The following TENM1 variants were observed in gnomAD, a reference collection of about 807,000 sequenced individuals.
TENM1 encodes teneurin transmembrane protein 1, also known as teneurin-1.
A neutral mutation model predicts 174.8 loss-of-function variants in TENM1; 35 were observed. The observed-to-expected ratio is 0.20, with a 90% CI of 0.15 to 0.27. TENM1 has a LOEUF of 0.27. TENM1 is among the 10% of genes least tolerant of loss of function. TENM1 has a pLI of 1.00. For synonymous variants in TENM1, 781 were observed against 798.7 expected (o/e 0.98, Z 0.37); for missense variants, 1,633 against 2,130.1 (o/e 0.77, Z 4.59).
chrX:124,531,432 T>G (rs141574040), intron 15 of TENM1, among the ~76,000 whole-genome samples: 1,440 of 111,725 alleles, frequency 0.013, 15 homozygotes, highest in African/African-American at 0.036. Flanking sequence ...CACTACTAAA[T>G]TCTGTTGCAA....
the TENM1 span, among the ~76,000 whole-genome samples, chrX:125,190,569 C>T: frequency 9.0e-6 from 1 of 111,439 alleles, no homozygotes; most frequent in Non-Finnish European, 1.9e-5. Context: ...ATTATTTTCC[C>T]TTCTGTAGTC....
exon 26 of TENM1, chrX:124,406,483 G>T: frequency 1.7e-6 from 2 of 1,191,184 alleles, no homozygotes; most frequent in Non-Finnish European, 2.3e-6. Context: ...GTCCCTCGGG[G>T]TCATACCTGA....
At chrX:124,414,948 A>G (rs1422271987) in intron 25 of TENM1, among the ~76,000 whole-genome samples, 3 of 111,750 alleles carry the variant, frequency 2.7e-5, no homozygotes, top group African/African-American at 9.8e-5. Context: ...CCCCTTGTCC[A>G]CATAAAGAAG....
the TENM1 span, among the ~76,000 whole-genome samples, chrX:125,200,654 T>TGAGAGAGAGAGAGAGAGAGAGAGAGA: frequency 1.6e-3 from 147 of 92,394 alleles, no homozygotes; most frequent in African/African-American, 6.1e-3. Context: ...TGTGTGTGTG[T>TGAGAGAGAGAGAGAGAGAGAGAGAGA]GAGAGAGAGA....
chrX:124,523,580 G>A (rs746512976), exon 17 of TENM1: 5 of 1,211,530 alleles, frequency 4.1e-6, no homozygotes, highest in Non-Finnish European at 4.5e-6. Flanking sequence ...GGGATCGGTC[G>A]AAGATTAAGA....
chrX:124,584,511 G>C (rs1213834699), intron 11 of TENM1, among the ~76,000 whole-genome samples: 2 of 110,944 alleles, frequency 1.8e-5, no homozygotes. Flanking sequence ...CACCAGGCCT[G>C]CCCTAAAAGA....
At chrX:124,431,802 T>A (rs755866327) in intron 23 of TENM1, among the ~76,000 whole-genome samples, 15 of 112,083 alleles carry the variant, frequency 1.3e-4, no homozygotes, top group Non-Finnish European at 2.4e-4. Context: ...TTATCTTAGA[T>A]ACACACTCTT....
At chrX:124,938,318 G>A (rs548089616) in intron 1 of TENM1, among the ~76,000 whole-genome samples, 1 of 112,118 alleles carries the variant, frequency 8.9e-6, no homozygotes, top group African/African-American at 3.2e-5. Context: ...ACTGTTTTCC[G>A]TGAGAAAAAG....
chrX:124,973,936 C>G, the TENM1 span, among the ~76,000 whole-genome samples: 1 of 111,620 alleles, frequency 9.0e-6, no homozygotes, highest in Non-Finnish European at 1.9e-5. Context: ...GGGAGGGGAA[C>G]ATCACACACT....
intron 18 of TENM1, among the ~76,000 whole-genome samples, chrX:124,510,649 G>A (rs1320498224): frequency 9.0e-6 from 1 of 111,429 alleles, no homozygotes; most frequent in Non-Finnish European, 1.9e-5. Flanking sequence ...CACATGGTTT[G>A]ATAAGTCATT....
chrX:124,416,916 C>T (rs993047640), intron 25 of TENM1, among the ~76,000 whole-genome samples: 1 of 111,808 alleles, frequency 8.9e-6, no homozygotes, highest in African/African-American at 3.3e-5. Context: ...CACTGTCCCC[C>T]TTCTGTCATA....
intron 3 of TENM1, among the ~76,000 whole-genome samples, chrX:124,860,590 C>T (rs188277919): frequency 5.3e-4 from 59 of 111,851 alleles, no homozygotes; most frequent in African/African-American, 1.6e-3. Context: ...ACTACCAATG[C>T]AGTATTGATT....
At chrX:125,183,240 G>A in the TENM1 span, among the ~76,000 whole-genome samples, 2 of 111,446 alleles carry the variant, frequency 1.8e-5, no homozygotes, top group African/African-American at 6.5e-5. Flanking sequence ...TTAATCTGAC[G>A]TGAGACAGAA....
At chrX:125,029,221 CCTGAT>C in the TENM1 span, among the ~76,000 whole-genome samples, 8,235 of 111,086 alleles carry the variant, frequency 0.074, 751 homozygotes, top group African/African-American at 0.25. Context: ...TTACTTATAT[CCTGAT>C]CTATGTCCTA....
chrX:125,158,142 T>C, the TENM1 span, among the ~76,000 whole-genome samples: 5 of 110,584 alleles, frequency 4.5e-5, no homozygotes, highest in South Asian at 7.7e-4. Flanking sequence ...TAGTGCTGCA[T>C]GCCTGTAATC....
chrX:124,993,939 A>T, the TENM1 span, among the ~76,000 whole-genome samples: 1 of 110,635 alleles, frequency 9.0e-6, no homozygotes, highest in Non-Finnish European at 1.9e-5. Flanking sequence ...TCCATGACTA[A>T]CAGGAGGCAA....
chrX:125,069,420 T>A, the TENM1 span, among the ~76,000 whole-genome samples: 1 of 111,939 alleles, frequency 8.9e-6, no homozygotes, highest in Non-Finnish European at 1.9e-5. Context: ...TTAGGTTGAT[T>A]CCATGACTTT....
At chrX:125,101,965 T>C in the TENM1 span, among the ~76,000 whole-genome samples, 3 of 111,814 alleles carry the variant, frequency 2.7e-5, no homozygotes, top group South Asian at 1.1e-3. Flanking sequence ...CTTACAATGT[T>C]GTAGGTAAGA....
intron 15 of TENM1, among the ~76,000 whole-genome samples, chrX:124,538,565 C>T (rs1483681928): frequency 9.0e-6 from 1 of 111,303 alleles, no homozygotes; most frequent in African/African-American, 3.3e-5. Flanking sequence ...ATTTATCAAC[C>T]CCTAGTTGTG....
Sources: allele counts gnomAD v4.1 joint callset (sites outside exome capture counted in the v4.1 genomes callset), GRCh38; gene constraint gnomAD v4.1.1; transcripts MANE v1.5; gene names NCBI Gene and HGNC (gene_info 2026-07-23, HGNC 2026-07-21).